ZNF385D: variants seen among roughly 807,000 people sequenced by gnomAD.
The protein encoded by ZNF385D is zinc finger protein 385D.
Under a neutral mutation model 35.8 loss-of-function variants are expected in ZNF385D, and 15 were observed. The ratio of observed to expected loss-of-function variants is 0.42; its 90% CI spans 0.28 to 0.64. ZNF385D has a LOEUF of 0.64. ZNF385D is among the 30% of genes least tolerant of loss of function. The pLI, the probability that ZNF385D is intolerant of heterozygous loss-of-function variation, is 0.23. For missense variants in ZNF385D, 474 were observed against 494.6 expected (o/e 0.96, Z 0.39); for synonymous variants, 212 against 186.8 (o/e 1.13, Z -1.10).
intron 1 of ZNF385D, among the ~76,000 whole-genome samples, chr3:21,724,477 C>CCAAAAAAA (rs2068670605): frequency 3.8e-5 from 2 of 52,014 alleles, no homozygotes; most frequent in African/African-American, 3.2e-4. Flanking sequence ...AATGGAAAGC[C>CCAAAAAAA]AAAAAAAAAA....
At chr3:21,838,194 A>G (rs1216626493) in intron 3 of ZNF385D, among the ~76,000 whole-genome samples, 2 of 152,092 alleles carry the variant, frequency 1.3e-5, no homozygotes, top group Non-Finnish European at 2.9e-5. Flanking sequence ...GGCTCTCATC[A>G]TTTTGGTAAT....
At chr3:21,875,256 C>G (rs1039010522) in intron 3 of ZNF385D, among the ~76,000 whole-genome samples, 4 of 148,098 alleles carry the variant, frequency 2.7e-5, no homozygotes, top group Admixed American at 2.7e-4. Flanking sequence ...TTTTTTTTAA[C>G]CTAATTTCTT....
rs71697450 is a variant in ZNF385D at position 21,932,412 on chromosome 3, A to AT, written c.325+236404dup. On this transcript the variant is annotated intron_variant, in intron 3 of 5. Coordinates refer to the ZNF385D transcript ENST00000494108. ...TGATTGTGACTTAATATGGGGATAGATTTTTTTTTTAATTTTAAGTGATGC... is the reference window on the plus strand; with the variant it reads ...TGATTGTGACTTAATATGGGGATAGATTTTTTTTTTTAATTTTAAGTGATGC... 2.8e-3 allele frequency among the ~76,000 whole-genome samples: 426 copies of AT among 149,920 alleles called. 2 individuals are homozygous for AT. The highest frequency in any genetic ancestry group is 4.2e-3 in the Non-Finnish European group (281 of 67,480).
chr3:21,758,151 T>A (rs561307461), intron 3 of ZNF385D, among the ~76,000 whole-genome samples: 2 of 152,240 alleles, frequency 1.3e-5, no homozygotes, highest in African/African-American at 4.8e-5. Context: ...ACTGTTTGTA[T>A]AACCTTATTA....
Position 22,202,915 on chromosome 3 carries a change from G to A in ZNF385D, c.107-33880C>T, listed in dbSNP as rs1449751634. 3.9e-5 allele frequency among the ~76,000 whole-genome samples: 6 copies of A among 152,060 alleles called. No homozygotes were observed. The East Asian group carries it at 1.2e-3, about 29-fold the overall frequency. On this transcript the variant is annotated intron_variant, in intron 2 of 5. Transcript: ENST00000494108. ...GAGTTTTGGCAAGACTTGCCACTGTGGGCTAAAGTGTTTTGGGGTTCTAAA... is the reference window on the plus strand; with the variant it reads ...GAGTTTTGGCAAGACTTGCCACTGTAGGCTAAAGTGTTTTGGGGTTCTAAA...
chr3:22,139,367 A>G (rs971137561), intron 3 of ZNF385D, among the ~76,000 whole-genome samples: 4 of 152,170 alleles, frequency 2.6e-5, no homozygotes, highest in African/African-American at 9.7e-5. Context: ...AACCAACCCA[A>G]ATGTCCAACA....
chr3:21,594,650 G>A (rs1190124146), intron 2 of ZNF385D, among the ~76,000 whole-genome samples: 5 of 152,164 alleles, frequency 3.3e-5, no homozygotes, highest in Admixed American at 3.3e-4. Context: ...GGAATTTAAA[G>A]CTTGGTGATC....
intron 2 of ZNF385D, among the ~76,000 whole-genome samples, chr3:22,262,827 C>T (rs1024721020): frequency 7.9e-5 from 12 of 151,836 alleles, no homozygotes; most frequent in African/African-American, 2.9e-4. Flanking sequence ...TTTGCCATTC[C>T]ATGTGGTCTT....
intron 1 of ZNF385D, among the ~76,000 whole-genome samples, chr3:21,731,020 G>GTCCC (rs2068971998): frequency 6.6e-6 from 1 of 152,030 alleles, no homozygotes; most frequent in Non-Finnish European, 1.5e-5. Context: ...AAACTTTTGG[G>GTCCC]AATATACAGT....
At chr3:21,892,623 G>A (rs1698927992) in intron 3 of ZNF385D, among the ~76,000 whole-genome samples, 1 of 152,100 alleles carries the variant, frequency 6.6e-6, no homozygotes, top group African/African-American at 2.4e-5. Flanking sequence ...CTATTTATTT[G>A]CAAAGGAGCT....
At chr3:22,333,143 G>A (rs535515852) in intron 2 of ZNF385D, among the ~76,000 whole-genome samples, 2 of 152,076 alleles carry the variant, frequency 1.3e-5, no homozygotes, top group Admixed American at 6.6e-5. Flanking sequence ...ATTTCATTCT[G>A]GCATCCTTGA....
In ZNF385D at chr3:21,631,911, C is replaced by T. The variant is rs146310642; in HGVS notation, c.165+32975G>A. ...TGGAAACAAAAGCATTTCATTGAAG[C>T]CTTCAGCTTCCTAGAGGCGGATCCT... On this transcript the variant is annotated intron_variant, in intron 2 of 7. Transcript: ENST00000281523. Among the ~76,000 whole-genome samples, 889 of 152,164 alleles carry T rather than the reference C, an allele frequency of 5.8e-3. 9 individuals are homozygous for T. The highest frequency in any genetic ancestry group is 0.02 in the African/African-American group (845 of 41,530).
chr3:22,280,181 G>A (rs1234475629), intron 2 of ZNF385D, among the ~76,000 whole-genome samples: 1 of 151,960 alleles, frequency 6.6e-6, no homozygotes, highest in African/African-American at 2.4e-5. Flanking sequence ...TTAGTCCTTT[G>A]TCAGATGTAT....
chr3:22,292,310 A>G (rs1702339991), intron 2 of ZNF385D, among the ~76,000 whole-genome samples: 1 of 152,042 alleles, frequency 6.6e-6, no homozygotes, highest in Non-Finnish European at 1.5e-5. Flanking sequence ...AACATGCTGT[A>G]TATTTACTCA....
intron 2 of ZNF385D, among the ~76,000 whole-genome samples, chr3:22,290,795 T>C (rs540282001): frequency 6.6e-6 from 1 of 151,812 alleles, no homozygotes; most frequent in African/African-American, 2.4e-5. Flanking sequence ...GGTGTGTTGA[T>C]GGAACAGGGA....
intron 3 of ZNF385D, among the ~76,000 whole-genome samples, chr3:21,811,376 A>C (rs1417870673): frequency 1.3e-5 from 2 of 152,130 alleles, no homozygotes; most frequent in Non-Finnish European, 2.9e-5. Flanking sequence ...AGAATATAGG[A>C]AGCAAGAAGT....
chr3:22,037,125 G>C (rs568186124), intron 3 of ZNF385D, among the ~76,000 whole-genome samples: 47 of 152,022 alleles, frequency 3.1e-4, no homozygotes, highest in Non-Finnish European at 5.6e-4. Flanking sequence ...TGGGTATTTG[G>C]GTTGGTTCCA....
At position 22,193,981 on chromosome 3, in the gene ZNF385D, A is replaced by C. The variant is rs530661807; in HGVS notation, c.107-24946T>G. Among the ~76,000 whole-genome samples the C allele has an allele frequency of 1.9e-4, 29 of 152,112 alleles. No homozygotes were observed. The South Asian group carries it at 4.8e-3, about 25-fold the overall frequency. Reference sequence around the variant, plus strand: ...TTAATTTTGCTAGTGAAACAAGTGGAAAATGATAACTCATAGCTATGACAA... The same window carrying C: ...TTAATTTTGCTAGTGAAACAAGTGGCAAATGATAACTCATAGCTATGACAA... On this transcript the variant is annotated intron_variant, in intron 2 of 5. Coordinates refer to the ZNF385D transcript ENST00000494108.
At chr3:22,149,540 C>T (rs1705088971) in intron 3 of ZNF385D, among the ~76,000 whole-genome samples, 1 of 151,966 alleles carries the variant, frequency 6.6e-6, no homozygotes, top group Non-Finnish European at 1.5e-5. Context: ...TGGGGTAGGC[C>T]CCAATAATTG....
Sources: allele counts gnomAD v4.1 joint callset (sites outside exome capture counted in the v4.1 genomes callset), GRCh38; gene constraint gnomAD v4.1.1; transcripts MANE v1.5; gene names NCBI Gene and HGNC (gene_info 2026-07-23, HGNC 2026-07-21).